The following ATG4C variants were observed in gnomAD, a reference collection of about 807,000 sequenced individuals.
ATG4C encodes autophagy related 4C cysteine peptidase.
In ATG4C, 56 loss-of-function variants were observed where a neutral mutation model predicts 57.6. The ratio of observed to expected loss-of-function variants is 0.97; its 90% CI spans 0.78 to 1.21. The LOEUF (loss-of-function observed/expected upper bound fraction) is 1.21. Ranked by LOEUF, ATG4C falls within the 50% of genes most tolerant of loss-of-function variation. The pLI, the probability that ATG4C is intolerant of heterozygous loss-of-function variation, is 0.00. For synonymous variants in ATG4C, 157 were observed against 174.1 expected, an observed-to-expected ratio of 0.90 and a Z score of 0.78; for missense variants, 595 against 529.8, an observed-to-expected ratio of 1.12 and a Z score of -1.21.
At chr1:62,836,688 A>AC (rs1418116096) in intron 9 of ATG4C, among the ~76,000 whole-genome samples, 1 of 152,110 alleles carries the variant, frequency 6.6e-6, no homozygotes, top group Non-Finnish European at 1.5e-5. Flanking sequence ...TAATGTAAAA[A>AC]ATTATATGCA....
intron 1 of ATG4C, among the ~76,000 whole-genome samples, chr1:62,797,966 C>T (rs151246028): frequency 0.011 from 1,651 of 152,138 alleles, 28 homozygotes; most frequent in African/African-American, 0.038. Flanking sequence ...ATTACAGGCG[C>T]GTGCCACCAC....
intron 5 of ATG4C, 76 bp downstream of exon 5, chr1:62,819,411 A>G (rs565060157): frequency 4.2e-6 from 5 of 1,178,586 alleles, no homozygotes; most frequent in African/African-American, 3.1e-5. Flanking sequence ...TGCAATGTGT[A>G]TATATAATTG....
chr1:62,789,748 C>T (rs975540737), intron 1 of ATG4C, among the ~76,000 whole-genome samples: 9 of 151,944 alleles, frequency 5.9e-5, no homozygotes, highest in Non-Finnish European at 8.8e-5. Flanking sequence ...ACCCGGGAGG[C>T]GGAGCTTGGA....
At chr1:62,801,643 G>C (rs995150751) in intron 1 of ATG4C, among the ~76,000 whole-genome samples, 1 of 151,566 alleles carries the variant, frequency 6.6e-6, no homozygotes, top group African/African-American at 2.4e-5. Context: ...GGGAGACAGA[G>C]CGAGACTCCA....
intron 6 of ATG4C, among the ~76,000 whole-genome samples, chr1:62,823,915 T>C (rs977654580): frequency 6.6e-6 from 1 of 152,202 alleles, no homozygotes; most frequent in Non-Finnish European, 1.5e-5. Context: ...TAGGCAGAAT[T>C]ACTTTTCCTC....
chr1:62,784,336 GA>G (rs1391538267), intron 1 of ATG4C, 63 bp downstream of exon 1: 1 of 152,324 alleles, frequency 6.6e-6, no homozygotes, highest in Non-Finnish European at 1.5e-5. Context: ...TCTGGTCCCC[GA>G]ATGACTGGGT....
At chr1:62,836,358 T>G (rs918663978) in intron 9 of ATG4C, among the ~76,000 whole-genome samples, 1 of 152,224 alleles carries the variant, frequency 6.6e-6, no homozygotes, top group Admixed American at 6.5e-5. Context: ...GTGGGACACT[T>G]ATAGAATGGG....
chr1:62,800,842 C>T (rs569626403), intron 1 of ATG4C, among the ~76,000 whole-genome samples: 1 of 152,232 alleles, frequency 6.6e-6, no homozygotes, highest in African/African-American at 2.4e-5. Flanking sequence ...TACAGGAAAA[C>T]GTAGGATCCT....
intron 7 of ATG4C, 56 bp downstream of exon 7, chr1:62,829,232 AG>A: frequency 6.3e-7 from 1 of 1,583,054 alleles, no homozygotes; most frequent in Non-Finnish European, 8.6e-7. Flanking sequence ...TGAAAAATAT[AG>A]AAGGTTTGCA....
Position 62,864,101 on chromosome 1 carries a change from C to T in ATG4C, c.1319C>T (p.Ser440Leu). The change falls in exon 11 of 11, where the codon TCA becomes TTA. Residue 440 changes from serine to leucine, a missense_variant. Physicochemically the swap from Ser to Leu is moderately radical, Grantham distance 145. Coordinates refer to ENST00000317868, the MANE Select transcript of ATG4C (RefSeq NM_032852.4). Reference protein sequence around the residue: ...STTTNEEDLFSEDEKKQLKRF... With the variant: ...STTTNEEDLFLEDEKKQLKRF... ...ACAACCAATGAAGAAGACCTTTTTT[C>T]AGAGGATGAAAAGAAACAATTAAAA... is the stretch of plus-strand genomic sequence containing the variant. 6.2e-7 allele frequency: 1 copy of T among 1,607,578 alleles called. No homozygotes were observed. Among genetic ancestry groups the T allele is most frequent in the Non-Finnish European group, 8.5e-7 (1 of 1,177,624 alleles).
At chr1:62,847,597 A>C (rs1051806127) in intron 10 of ATG4C, among the ~76,000 whole-genome samples, 1 of 152,188 alleles carries the variant, frequency 6.6e-6, no homozygotes, top group Non-Finnish European at 1.5e-5. Context: ...CACAATGAGT[A>C]AAAAATCACC....
intron 10 of ATG4C, among the ~76,000 whole-genome samples, chr1:62,842,201 C>A (rs1339137296): frequency 2.0e-5 from 3 of 151,498 alleles, no homozygotes; most frequent in East Asian, 3.9e-4. Context: ...AAAAAGACTG[C>A]TTTTTAAAGA....
chr1:62,800,912 ATCTTACCAG>A (rs1454880713), intron 1 of ATG4C, among the ~76,000 whole-genome samples: 4 of 152,310 alleles, frequency 2.6e-5, no homozygotes, highest in African/African-American at 9.6e-5. Flanking sequence ...CAGTCAGGAA[ATCTTACCAG>A]TCTTACCAGA....
intron 10 of ATG4C, among the ~76,000 whole-genome samples, chr1:62,853,923 C>T (rs541731199): frequency 6.6e-6 from 1 of 152,126 alleles, no homozygotes; most frequent in South Asian, 2.1e-4. Context: ...CAGTTTGGAC[C>T]TTCTGAATTG....
At chr1:62,792,682 T>G (rs2100279360) in intron 1 of ATG4C, among the ~76,000 whole-genome samples, 1 of 152,348 alleles carries the variant, frequency 6.6e-6, no homozygotes, top group Non-Finnish European at 1.5e-5. Context: ...TTTACATTTA[T>G]AGCATATTTT....
chr1:62,824,918 C>T (rs538189425), intron 6 of ATG4C, among the ~76,000 whole-genome samples: 14 of 152,186 alleles, frequency 9.2e-5, no homozygotes, highest in South Asian at 4.1e-4. Flanking sequence ...ATCCTCCTGC[C>T]GCAGCCTCCC....
At chr1:62,862,467 A>G (rs1287823677) in intron 10 of ATG4C, among the ~76,000 whole-genome samples, 2 of 152,158 alleles carry the variant, frequency 1.3e-5, no homozygotes, top group African/African-American at 4.8e-5. Context: ...AAAAATGACA[A>G]CAGTTTTTGG....
intron 6 of ATG4C, among the ~76,000 whole-genome samples, chr1:62,825,150 C>A (rs1478771785): frequency 6.6e-6 from 1 of 151,520 alleles, no homozygotes; most frequent in East Asian, 1.9e-4. Context: ...GCAGGAGAAT[C>A]CCTTGAACCT....
intron 3 of ATG4C, among the ~76,000 whole-genome samples, chr1:62,814,632 T>G (rs1456036466): frequency 6.6e-6 from 1 of 152,158 alleles, no homozygotes; most frequent in Non-Finnish European, 1.5e-5. Context: ...TTCTTTTGCT[T>G]AAAGTTGCAT....
Sources: gnomAD v4.1 joint callset for allele counts (sites outside exome capture counted in the v4.1 genomes callset) on GRCh38, gnomAD v4.1.1 for gene constraint, MANE v1.5 for transcripts, NCBI Gene and HGNC (gene_info 2026-07-23, HGNC 2026-07-21) for gene names.